ARSJ: variants seen among roughly 807,000 people sequenced by gnomAD.
ARSJ encodes the protein arylsulfatase J.
ARSJ carries 26 observed loss-of-function variants against 35.9 expected under a neutral mutation model. The ratio of observed to expected loss-of-function variants is 0.72; its 90% CI spans 0.53 to 1.00. The LOEUF is 1.00. Among genes scored for constraint, ARSJ ranks in the 50% least tolerant of loss-of-function variants. The pLI is 0.00. For synonymous variants in ARSJ, 294 were observed against 267.6 expected, an observed-to-expected ratio of 1.10 and a Z score of -0.96; for missense variants, 667 against 723.6, an observed-to-expected ratio of 0.92 and a Z score of 0.90.
intron 1 of ARSJ, among the ~76,000 whole-genome samples, chr4:113,936,939 T>A (rs1379337604): frequency 6.6e-6 from 1 of 151,982 alleles, no homozygotes; most frequent in East Asian, 1.9e-4. Flanking sequence ...TTGTACCGAG[T>A]CTGAGAACAC....
Position 113,979,618 on chromosome 4 carries a change from T to C in ARSJ, c.-784A>G, listed in dbSNP as rs1300967045. 2 of 152,330 alleles carry C rather than the reference T, an allele frequency of 1.3e-5. No individual in the cohort carries two copies. Among genetic ancestry groups the C allele is most frequent in the Non-Finnish European group, 2.9e-5 (2 of 68,086 alleles). 9.4% of individuals were successfully genotyped at this position (152,330 alleles called of 1,614,324 possible). A position where few individuals can be genotyped will look rare whatever the true frequency, so the allele number is the denominator to read the frequency against. ...CGGAGCCCGCTTGGTCTTTGCGTAG[T>C]TGGCGCACCCGGCGCAGGCGCTGCA... On this transcript the variant is annotated 5_prime_UTR_variant, in exon 1 of 2. Coordinates refer to ENST00000315366, the MANE Select transcript of ARSJ (RefSeq NM_024590.4).
At chr4:113,964,755 C>A (rs1353691955) in intron 1 of ARSJ, among the ~76,000 whole-genome samples, 1 of 152,104 alleles carries the variant, frequency 6.6e-6, no homozygotes, top group Admixed American at 6.6e-5. Context: ...CCAGCAACTT[C>A]ACCTTCACCA....
chr4:113,906,716 C>T (rs942114766), intron 1 of ARSJ: 3 of 455,900 alleles, frequency 6.6e-6, no homozygotes, highest in African/African-American at 6.0e-5. Context: ...TTGGGAAGTA[C>T]TTAATCCCTC....
At chr4:113,965,497 G>T (rs1726835755) in intron 1 of ARSJ, among the ~76,000 whole-genome samples, 1 of 152,004 alleles carries the variant, frequency 6.6e-6, no homozygotes, top group African/African-American at 2.4e-5. Context: ...ATTTCTTCAA[G>T]TGTAAAATGT....
chr4:113,959,741 C>G (rs1297061916), intron 1 of ARSJ, among the ~76,000 whole-genome samples: 3 of 151,968 alleles, frequency 2.0e-5, no homozygotes, highest in Admixed American at 2.0e-4. Context: ...ATGAGATTAA[C>G]TGTTTCATCA....
chr4:113,947,564 G>C (rs1361570996), intron 1 of ARSJ, among the ~76,000 whole-genome samples: 1 of 139,540 alleles, frequency 7.2e-6, no homozygotes, highest in African/African-American at 2.7e-5. Flanking sequence ...GAGAGTGAGG[G>C]AGGGAGGAAA....
rs564434761 is a variant in ARSJ at position 113,937,541 on chromosome 4, G to T, written c.399-33866C>A. Among the ~76,000 whole-genome samples the T allele has an allele frequency of 5.3e-5, 8 of 152,142 alleles. No individual in the cohort carries two copies. The East Asian group carries it at 5.8e-4, about 11-fold the overall frequency. ...CATAGTATTGGAAGTTCTGGCCAGG[G>T]CAATCAGGCAAGAGAAAGAAATAAA... On this transcript the variant is annotated intron_variant, in intron 1 of 1. Transcript: ENST00000315366.
chr4:113,951,540 C>T (rs896179773), intron 1 of ARSJ, among the ~76,000 whole-genome samples: 3 of 152,076 alleles, frequency 2.0e-5, no homozygotes, highest in Non-Finnish European at 2.9e-5. Flanking sequence ...TTTGGCAGCA[C>T]GTCATACTGT....
intron 1 of ARSJ, among the ~76,000 whole-genome samples, chr4:113,919,837 G>A (rs1250887304): frequency 3.3e-5 from 5 of 152,182 alleles, no homozygotes; most frequent in Non-Finnish European, 7.4e-5. Flanking sequence ...TGAAAGATGC[G>A]TAAATGCAGG....
chr4:113,904,731 C>T (rs1013327277), intron 1 of ARSJ, among the ~76,000 whole-genome samples: 1 of 151,994 alleles, frequency 6.6e-6, no homozygotes, highest in Non-Finnish European at 1.5e-5. Context: ...CCTCGTGATC[C>T]GCCCACCTCG....
chr4:113,912,904 T>C (rs890856744), intron 1 of ARSJ, among the ~76,000 whole-genome samples: 9 of 152,236 alleles, frequency 5.9e-5, no homozygotes, highest in Admixed American at 4.6e-4. Context: ...AAAATGTATA[T>C]GATTAGGTTT....
intron 1 of ARSJ, among the ~76,000 whole-genome samples, chr4:113,925,937 G>T (rs1184290461): frequency 6.6e-6 from 1 of 152,156 alleles, no homozygotes; most frequent in African/African-American, 2.4e-5. Flanking sequence ...AGCCAGGTCA[G>T]CCTTGGTGAG....
rs142835753 is a variant in ARSJ, at chr4:113,951,691, C to T, written c.398+26746G>A. Reference sequence around the variant, plus strand: ...ACAGAGAGAATGTTTTGTTTCTTGACGCCTTCTCTCATTCTTCCTGCTCTT... The same window carrying T: ...ACAGAGAGAATGTTTTGTTTCTTGATGCCTTCTCTCATTCTTCCTGCTCTT... On this transcript the variant is annotated intron_variant, in intron 1 of 1. Coordinates refer to ENST00000315366, the MANE Select transcript of ARSJ (RefSeq NM_024590.4). 4.0e-3 allele frequency among the ~76,000 whole-genome samples: 614 copies of T among 152,132 alleles called. 3 individuals are homozygous for T. Among genetic ancestry groups the T allele is most frequent in the African/African-American group, 0.012 (503 of 41,506 alleles).
intron 1 of ARSJ, among the ~76,000 whole-genome samples, chr4:113,937,251 AT>A (rs1724820497): frequency 6.6e-6 from 1 of 151,950 alleles, no homozygotes; most frequent in African/African-American, 2.4e-5. Flanking sequence ...AATTGTTCAA[AT>A]CATGCTAATA....
At position 113,978,821 on chromosome 4, in the gene ARSJ, C is replaced by T. The variant is rs1428531565; in HGVS notation, c.14G>A (p.Gly5Asp). The stretch of plus-strand genomic sequence containing the variant: ...AGGCGGAGGCGGATGCCCCGCACAG[C>T]CCCTGGGAGCCATTCACTCAGGTCC... MAPRGCAGHPPPPSP... is the reference protein window; with the variant it reads MAPRDCAGHPPPPSP... The change falls in exon 1 of 2, where the codon GGC (glycine) becomes GAC (aspartate). Residue 5 changes from glycine (G) to aspartate (D), a missense_variant. Gly to Asp is a moderately conservative substitution (Grantham distance 94, BLOSUM62 -1). Transcript: ENST00000315366. The T allele has an allele frequency of 8.1e-6, 13 of 1,600,914 alleles. No individual in the cohort carries two copies. In the East Asian group the frequency reaches 2.9e-4, roughly 36 times the overall value.
In ARSJ at chr4:113,949,243, G is replaced by A. The variant is rs947060511; in HGVS notation, c.398+29194C>T. On this transcript the variant is annotated intron_variant, in intron 1 of 1. Transcript: ENST00000315366. ...AGGAGAAATACCTAATGTAGATGGC[G>A]GTTGATGGGTGCAGCAAAACACCAT... 3.3e-5 allele frequency among the ~76,000 whole-genome samples: 5 copies of A among 152,072 alleles called. No individual in the cohort carries two copies. The South Asian group carries it at 8.3e-4, about 25-fold the overall frequency.
In ARSJ at chr4:113,978,887, C is replaced by T; in HGVS notation, c.-53G>A. 6.6e-6 allele frequency: 10 copies of T among 1,526,200 alleles called. No individual in the cohort carries two copies. Among genetic ancestry groups the T allele is most frequent in the Non-Finnish European group, 7.9e-6 (9 of 1,139,990 alleles). 94.5% of individuals were successfully genotyped at this position (1,526,200 alleles called of 1,614,324 possible). On this transcript the variant is annotated 5_prime_UTR_variant, in exon 1 of 2. Transcript: ENST00000315366. ...GCGGAGAACCACGCGCCCCGCGCCGCTGCGGGCGCACACATGCACCCAACA... is the reference window on the plus strand; with the variant it reads ...GCGGAGAACCACGCGCCCCGCGCCGTTGCGGGCGCACACATGCACCCAACA...
rs1439308706 is a variant in ARSJ at position 113,902,873 on chromosome 4, A to T, written c.1201T>A (p.Tyr401Asn). The change falls in exon 2 of 2, where the codon TAT becomes AAT. Residue 401 changes from tyrosine to asparagine, a missense_variant. Coordinates refer to ENST00000315366, the MANE Select transcript of ARSJ (RefSeq NM_024590.4). ...TCACTTATGGTCTCCCAGATATCAT[A>T]GCCATCTAGTTGAATGTCCTCATCA... ...QIDEDIQLDG[Y>N]DIWETISEGL... 6.2e-7 allele frequency: 1 copy of T among 1,614,120 alleles called. No homozygotes were observed. Among genetic ancestry groups the T allele is most frequent in the Non-Finnish European group, 8.5e-7 (1 of 1,180,046 alleles).
At position 113,903,316 on chromosome 4, in the gene ARSJ, T is replaced by A; in HGVS notation, c.758A>T (p.His253Leu). 1 of 1,614,182 alleles carries A rather than the reference T, an allele frequency of 6.2e-7. No homozygotes were observed. The highest frequency in any genetic ancestry group is 8.5e-7 in the Non-Finnish European group (1 of 1,180,042). Residue 253 changes from histidine to leucine, a missense_variant, in exon 2 of 2, where the codon CAT becomes CTT. Transcript: ENST00000315366. ...TQRVQQILAS[H>L]NPTKPIFLYI... Reference sequence around the variant, plus strand: ...TAAAAATATAGGCTTTGTGGGGTTATGGGAAGCTAAGATTTGCTGTACTCT... The same window carrying A: ...TAAAAATATAGGCTTTGTGGGGTTAAGGGAAGCTAAGATTTGCTGTACTCT...
Sources: allele counts gnomAD v4.1 joint callset (sites outside exome capture counted in the v4.1 genomes callset), GRCh38; gene constraint gnomAD v4.1.1; transcripts MANE v1.5; gene names NCBI Gene and HGNC (gene_info 2026-07-23, HGNC 2026-07-21).